Variants in BFSP2 observed in about 807,000 individuals in gnomAD.
The protein encoded by BFSP2 is phakinin.
BFSP2 carries 38 observed loss-of-function variants against 44.9 expected under a neutral mutation model. The ratio of observed to expected loss-of-function variants is 0.85; its 90% CI spans 0.65 to 1.11. The LOEUF (loss-of-function observed/expected upper bound fraction) is 1.11, where lower values mean the gene tolerates loss of function less well. Among genes scored for constraint, BFSP2 ranks in the 50% least tolerant of loss-of-function variants. The pLI is 0.00. For synonymous variants in BFSP2, 197 were observed against 209.9 expected (o/e 0.94, Z 0.53); for missense variants, 525 against 533.0 (o/e 0.99, Z 0.15).
intron 1 of BFSP2, among the ~76,000 whole-genome samples, chr3:133,446,817 C>A (rs539292432): frequency 8.6e-5 from 13 of 151,012 alleles, no homozygotes; most frequent in Admixed American, 2.6e-4. Flanking sequence ...ACTCTAGAGC[C>A]ACGCTGCCCA....
At chr3:133,414,023 A>C in intron 1 of BFSP2, among the ~76,000 whole-genome samples, 1 of 146,496 alleles carries the variant, frequency 6.8e-6, no homozygotes, top group Non-Finnish European at 1.5e-5. Flanking sequence ...GCTCCCGTCT[A>C]CTCACCCCTG....
intron 4 of BFSP2, 81 bp downstream of exon 4, chr3:133,450,545 A>G (rs2073953848): frequency 5.3e-6 from 8 of 1,520,760 alleles, no homozygotes; most frequent in African/African-American, 1.4e-5. Context: ...CAATGTGCAG[A>G]CGAAGAAATA....
intron 1 of BFSP2, among the ~76,000 whole-genome samples, chr3:133,401,799 T>C (rs1279732317): frequency 6.6e-6 from 1 of 152,124 alleles, no homozygotes; most frequent in Non-Finnish European, 1.5e-5. Context: ...AAATTTTATT[T>C]GTGTATAGCT....
intron 1 of BFSP2, among the ~76,000 whole-genome samples, chr3:133,415,358 A>ACCCCTGCCCTCT (rs1576561843): frequency 2.6e-5 from 1 of 38,746 alleles, no homozygotes; most frequent in Non-Finnish European, 4.8e-5. Context: ...CCCTCTACTC[A>ACCCCTGCCCTCT]CCCCTCTACT....
At chr3:133,424,589 T>C (rs1328440503) in intron 1 of BFSP2, among the ~76,000 whole-genome samples, 1 of 152,130 alleles carries the variant, frequency 6.6e-6, no homozygotes, top group Non-Finnish European at 1.5e-5. Flanking sequence ...GCCATCATGG[T>C]CCTGATCCTT....
intron 1 of BFSP2, among the ~76,000 whole-genome samples, chr3:133,420,500 C>T (rs2073582912): frequency 1.3e-5 from 2 of 152,196 alleles, no homozygotes; most frequent in African/African-American, 4.8e-5. Flanking sequence ...TCTCCATCTC[C>T]TTCCACCATG....
rs527609222 is a variant in BFSP2, at chr3:133,427,417, C to T, written c.490-19900C>T. ...AGCTCAGCAGTGATAAATACGATGT[C>T]TGGTGAAAAGCAGAGCCAGGACTTG... is the stretch of plus-strand genomic sequence containing the variant. On this transcript the variant is annotated intron_variant, in intron 1 of 6. Coordinates refer to ENST00000302334, the MANE Select transcript of BFSP2 (RefSeq NM_003571.4). Among the ~76,000 whole-genome samples, 8 of 152,360 alleles carry T rather than the reference C, an allele frequency of 5.3e-5. No homozygotes were observed. In the East Asian group the frequency reaches 1.5e-3, roughly 29 times the overall value.
chr3:133,432,320 C>A (rs1426214568), intron 1 of BFSP2, among the ~76,000 whole-genome samples: 4 of 152,190 alleles, frequency 2.6e-5, no homozygotes, highest in Admixed American at 2.6e-4. Context: ...TACACCCTTT[C>A]GTCCTCAATA....
intron 4 of BFSP2, among the ~76,000 whole-genome samples, chr3:133,465,092 G>A (rs148777136): frequency 1.7e-3 from 251 of 146,720 alleles, no homozygotes; most frequent in South Asian, 0.011. Context: ...TGCAACCTCC[G>A]CCTCCTGGGA....
rs146257317 is a variant in BFSP2 at position 133,450,420 on chromosome 3, G to A, written c.847G>A (p.Val283Ile). 8.7e-6 allele frequency: 14 copies of A among 1,614,148 alleles called. No individual in the cohort carries two copies. The East Asian group carries it at 2.0e-4, about 23-fold the overall frequency. Reference sequence around the variant, plus strand: ...GATCAGAATTCAGTGGGAGAGAGATGTTGAAAAGAACCGGGTGGAGGCAGG... The same window carrying A: ...GATCAGAATTCAGTGGGAGAGAGATATTGAAAAGAACCGGGTGGAGGCAGG... ...ETIRIQWERD[V>I]EKNRVEAGAL... The change falls in exon 4 of 7, where the codon GTT becomes ATT. Residue 283 changes from valine to isoleucine, a missense_variant. Coordinates refer to ENST00000302334, the MANE Select transcript of BFSP2 (RefSeq NM_003571.4).
At chr3:133,444,291 C>T (rs1187250019) in intron 1 of BFSP2, among the ~76,000 whole-genome samples, 1 of 152,102 alleles carries the variant, frequency 6.6e-6, no homozygotes, top group Non-Finnish European at 1.5e-5. Flanking sequence ...ACCGTTCATG[C>T]AATATTTACT....
chr3:133,471,954 G>GCC (rs2074165805), intron 5 of BFSP2, among the ~76,000 whole-genome samples: 1 of 152,076 alleles, frequency 6.6e-6, no homozygotes, highest in African/African-American at 2.4e-5. Context: ...AGAAGAAAAA[G>GCC]CCCCGGAGAA....
At chr3:133,416,014 C>T (rs2073523422) in intron 1 of BFSP2, among the ~76,000 whole-genome samples, 1 of 131,598 alleles carries the variant, frequency 7.6e-6, no homozygotes, top group Non-Finnish European at 1.6e-5. Context: ...TTCACCCCGT[C>T]CTCTCCCCTC....
chr3:133,405,848 A>G (rs1016906510), intron 1 of BFSP2, among the ~76,000 whole-genome samples: 3 of 152,242 alleles, frequency 2.0e-5, no homozygotes, highest in Non-Finnish European at 4.4e-5. Context: ...AGAGTGAGGT[A>G]TATGATTGGA....
chr3:133,472,247 C>A, intron 5 of BFSP2, 98 bp from the exon 6 acceptor site: 1 of 1,338,874 alleles, frequency 7.5e-7, no homozygotes, highest in Non-Finnish European at 1.0e-6. Flanking sequence ...GGGGAATAGT[C>A]CAGGCTACCA....
chr3:133,449,500 TTTTGTTTGTTTG>T lies in BFSP2; in HGVS notation c.730-779_730-768del, dbSNP rs144765332. ...TAGTTACATATGTATACATGTGGTT[TTTTGTTTGTTTG>T]TTTGTTTGTTTGTTTGTTTGTTTTA... is the stretch of plus-strand genomic sequence containing the variant. On this transcript the variant is annotated intron_variant, in intron 3 of 6. Transcript: ENST00000302334. Among the ~76,000 whole-genome samples, 409 of 150,962 alleles carry T rather than the reference TTTTGTTTGTTTG, an allele frequency of 2.7e-3. 1 individual carries two copies. Among genetic ancestry groups the T allele is most frequent in the Middle Eastern group, 3.4e-3 (1 of 290 alleles).
chr3:133,449,987 AAGG>A (rs2073944033), intron 3 of BFSP2, among the ~76,000 whole-genome samples: 1 of 100,510 alleles, frequency 9.9e-6, no homozygotes. Flanking sequence ...GAAGGAAAGG[AAGG>A]AAGGAAGGAA....
chr3:133,428,334 AG>A (rs35498595), intron 1 of BFSP2, among the ~76,000 whole-genome samples: 28,365 of 151,924 alleles, frequency 0.19, 4,001 homozygotes, highest in African/African-American at 0.4. Flanking sequence ...CCCCCAAGCC[AG>A]GGCGCTGGGC....
At chr3:133,439,816 G>A (rs566650305) in intron 1 of BFSP2, among the ~76,000 whole-genome samples, 22 of 152,264 alleles carry the variant, frequency 1.4e-4, no homozygotes, top group South Asian at 6.2e-4. Context: ...GGTTCATTCC[G>A]GAGCACAGCT....
Sources: gnomAD v4.1 joint callset for allele counts (sites outside exome capture counted in the v4.1 genomes callset) on GRCh38, gnomAD v4.1.1 for gene constraint, MANE v1.5 for transcripts, NCBI Gene and HGNC (gene_info 2026-07-23, HGNC 2026-07-21) for gene names.